CTNNA3: variants seen among roughly 807,000 people sequenced by gnomAD.
CTNNA3 encodes catenin alpha-3.
A neutral mutation model predicts 95.7 loss-of-function variants in CTNNA3; 76 were observed. The ratio of observed to expected loss-of-function variants is 0.79; its 90% CI spans 0.66 to 0.96. CTNNA3 has a LOEUF of 0.96. Among genes scored for constraint, CTNNA3 ranks in the 40% least tolerant of loss-of-function variants. The pLI is 0.00. For missense variants in CTNNA3, 1,191 were observed against 1,089.8 expected, an observed-to-expected ratio of 1.09 and a Z score of -1.31; for synonymous variants, 431 against 374.4, an observed-to-expected ratio of 1.15 and a Z score of -1.74.
chr10:67,671,580 A>T lies in CTNNA3; in HGVS notation c.-5-24062T>A, dbSNP rs1038113401. On this transcript the variant is annotated intron_variant, in intron 1 of 17. Transcript: ENST00000433211. The stretch of plus-strand genomic sequence containing the variant: ...TGTGTCCAAGTGTTCTCATTGTTCA[A>T]TTCCCACCTATGAGTGAGAACATGC... Among the ~76,000 whole-genome samples the T allele has an allele frequency of 2.0e-5, 3 of 150,754 alleles. No homozygotes were observed. In the South Asian group the frequency reaches 6.3e-4, roughly 32 times the overall value.
At chr10:67,124,370 G>C (rs1344687503) in intron 7 of CTNNA3, among the ~76,000 whole-genome samples, 1 of 150,060 alleles carries the variant, frequency 6.7e-6, no homozygotes, top group Non-Finnish European at 1.5e-5. Flanking sequence ...GTGTGTGTGT[G>C]TGTGGTCTAT....
chr10:67,697,410 A>G (rs1840987136), upstream of CTNNA3, among the ~76,000 whole-genome samples: 1 of 152,230 alleles, frequency 6.6e-6, no homozygotes, highest in Non-Finnish European at 1.5e-5. Context: ...AGCTTTAATA[A>G]TGAATGTTTT....
intron 1 of CTNNA3, among the ~76,000 whole-genome samples, chr10:67,668,492 T>C (rs1381631314): frequency 6.6e-6 from 1 of 152,166 alleles, no homozygotes; most frequent in Non-Finnish European, 1.5e-5. Context: ...ACAATAATAA[T>C]TATAAAATAG....
intron 5 of CTNNA3, among the ~76,000 whole-genome samples, chr10:67,389,731 A>G (rs1844372634): frequency 6.6e-6 from 1 of 151,162 alleles, no homozygotes; most frequent in African/African-American, 2.4e-5. Flanking sequence ...AGTGCAATCA[A>G]ACTAGAACTC....
chr10:67,177,396 G>A (rs1175457819), intron 7 of CTNNA3, among the ~76,000 whole-genome samples: 1 of 152,188 alleles, frequency 6.6e-6, no homozygotes, highest in Non-Finnish European at 1.5e-5. Context: ...GGACGCAACA[G>A]ATTTGCAAAA....
intron 5 of CTNNA3, among the ~76,000 whole-genome samples, chr10:67,285,625 T>TCC (rs1839566842): frequency 6.6e-6 from 1 of 152,232 alleles, no homozygotes. Flanking sequence ...AACACTTGTT[T>TCC]TGTAAACAGG....
intron 10 of CTNNA3, among the ~76,000 whole-genome samples, chr10:66,524,750 T>C (rs532955045): frequency 6.6e-6 from 1 of 151,690 alleles, no homozygotes; most frequent in African/African-American, 2.4e-5. Flanking sequence ...CTATAATGTT[T>C]AAAAAGAAAA....
chr10:66,880,848 A>C (rs1844821382), intron 7 of CTNNA3, among the ~76,000 whole-genome samples: 1 of 152,164 alleles, frequency 6.6e-6, no homozygotes. Flanking sequence ...GTAGAACTAC[A>C]CGTAACCCTG....
chr10:67,716,612 G>A (rs905496305), intron 1 of CTNNA3, among the ~76,000 whole-genome samples: 2 of 152,058 alleles, frequency 1.3e-5, no homozygotes, highest in Non-Finnish European at 2.9e-5. Context: ...GACAACGATG[G>A]TTTCCAGCTT....
chr10:67,516,033 T>G (rs1839800302), intron 5 of CTNNA3, among the ~76,000 whole-genome samples: 1 of 152,056 alleles, frequency 6.6e-6, no homozygotes, highest in African/African-American at 2.4e-5. Flanking sequence ...CATGATCTCA[T>G]CTATCTGCAA....
chr10:66,687,402 T>C (rs1847336917), intron 9 of CTNNA3, among the ~76,000 whole-genome samples: 2 of 152,232 alleles, frequency 1.3e-5, no homozygotes, highest in African/African-American at 4.8e-5. Context: ...CATCCTAATA[T>C]GATAAGAGCA....
At chr10:67,385,311 A>G (rs1438351388) in intron 5 of CTNNA3, among the ~76,000 whole-genome samples, 1 of 152,242 alleles carries the variant, frequency 6.6e-6, no homozygotes, top group Non-Finnish European at 1.5e-5. Flanking sequence ...CCTTCTGTCC[A>G]GAATTCACTT....
rs2076977968 is a variant in CTNNA3 at position 65,914,081 on chromosome 10, A to G, written c.*6249T>C. 1 of 152,178 alleles carries G rather than the reference A, an allele frequency of 6.6e-6. No individual in the cohort carries two copies. Among genetic ancestry groups the G allele is most frequent in the Admixed American group, 6.5e-5 (1 of 15,270 alleles). 9.4% of individuals were successfully genotyped at this position (152,178 alleles called of 1,614,324 possible). A position where few individuals can be genotyped will look rare whatever the true frequency, so the allele number is the denominator to read the frequency against. The stretch of plus-strand genomic sequence containing the variant: ...AAATGCCAAGGAAATAAACTTTGGA[A>G]CTGGGAATATTTCATTTGAAATGAA... On this transcript the variant is annotated 3_prime_UTR_variant, in exon 18 of 18. Coordinates refer to ENST00000433211, the MANE Select transcript of CTNNA3 (RefSeq NM_013266.4).
rs78367502 is a variant in CTNNA3 at position 67,263,541 on chromosome 10, A to C, written c.580-43671T>G. 0.018 allele frequency among the ~76,000 whole-genome samples: 2,812 copies of C among 152,210 alleles called. 228 individuals are homozygous for C. In the East Asian group the frequency reaches 0.25, roughly 14 times the overall value. On this transcript the variant is annotated intron_variant, in intron 5 of 17. Transcript: ENST00000433211. ...TATTCATTATAAAAAAGGAAAAACA[A>C]CTCATCCCTCAAGAAAGGATTTAAA...
At chr10:66,114,825 G>A (rs2082261042) in intron 13 of CTNNA3, among the ~76,000 whole-genome samples, 2 of 151,364 alleles carry the variant, frequency 1.3e-5, no homozygotes, top group Non-Finnish European at 2.9e-5. Flanking sequence ...GTTGCCATGA[G>A]CCAAGATCAC....
chr10:67,342,764 G>A lies in CTNNA3; in HGVS notation c.580-122894C>T, dbSNP rs1004623040. 2.6e-5 allele frequency among the ~76,000 whole-genome samples: 4 copies of A among 152,132 alleles called. No homozygotes were observed. In the South Asian group the frequency reaches 8.3e-4, roughly 32 times the overall value. ...GAGTTCACTGCAGGTGTGTGAATTA[G>A]TTTCTGGATTCTTTATTCTGTTCCA... On this transcript the variant is annotated intron_variant, in intron 5 of 17. Coordinates refer to ENST00000433211, the MANE Select transcript of CTNNA3 (RefSeq NM_013266.4).
At chr10:66,797,348 C>T (rs1554853568) in intron 7 of CTNNA3, among the ~76,000 whole-genome samples, 1 of 150,888 alleles carries the variant, frequency 6.6e-6, no homozygotes, top group Non-Finnish European at 1.5e-5. Context: ...TCCTACATTT[C>T]CACCACACTA....
chr10:66,333,623 T>C (rs1320764699), intron 12 of CTNNA3, among the ~76,000 whole-genome samples: 1 of 152,036 alleles, frequency 6.6e-6, no homozygotes, highest in Non-Finnish European at 1.5e-5. Context: ...TTCTTTTACA[T>C]TTGCTGAGGA....
At chr10:67,458,414 A>C (rs931138404) in intron 5 of CTNNA3, among the ~76,000 whole-genome samples, 10 of 152,120 alleles carry the variant, frequency 6.6e-5, no homozygotes, top group African/African-American at 2.4e-4. Context: ...CTTGTACAAG[A>C]ATACTTGTAG....
Sources: gnomAD v4.1 joint callset for allele counts (sites outside exome capture counted in the v4.1 genomes callset) on GRCh38, gnomAD v4.1.1 for gene constraint, MANE v1.5 for transcripts, NCBI Gene and HGNC (gene_info 2026-07-23, HGNC 2026-07-21) for gene names.